Variants in GMDS observed in about 807,000 individuals in gnomAD.
GMDS encodes GDP-mannose 4,6 dehydratase.
In GMDS, 20 loss-of-function variants were observed where a neutral mutation model predicts 49.9. That is an observed-to-expected ratio of 0.40 (90% CI 0.28 to 0.58). GMDS has a LOEUF of 0.58. GMDS is among the 20% of genes least tolerant of loss of function. The pLI is 0.42. For synonymous variants in GMDS, 177 were observed against 178.6 expected (o/e 0.99, Z 0.07); for missense variants, 362 against 481.4 (o/e 0.75, Z 2.32).
rs1364346065 is a variant in GMDS, at chr6:1,999,997, T to A, written c.346-39031A>T. Among the ~76,000 whole-genome samples the A allele has an allele frequency of 3.2e-3, 25 of 7,838 alleles. 1 individual carries two copies. Among genetic ancestry groups the A allele is most frequent in the Non-Finnish European group, 6.5e-3 (19 of 2,938 alleles). The allele number at this position is 7,838 out of a possible 152,430, so 5.1% of individuals were successfully genotyped here. Reference sequence around the variant, plus strand: ...ATATATATATTTTATATATATATATTATATATATATATTTTTTATATATAT... The same window carrying A: ...ATATATATATTTTATATATATATATAATATATATATATTTTTTATATATAT... On this transcript the variant is annotated intron_variant, in intron 4 of 10. Transcript: ENST00000380815.
At chr6:1,867,448 C>T (rs1331441511) in intron 7 of GMDS, among the ~76,000 whole-genome samples, 1 of 152,154 alleles carries the variant, frequency 6.6e-6, no homozygotes, top group Non-Finnish European at 1.5e-5. Context: ...ATAGAGTGTG[C>T]AGGCAAATAT....
In GMDS at chr6:2,075,321, G is replaced by A. The variant is rs148953073; in HGVS notation, c.345+40450C>T. 2.9e-3 allele frequency among the ~76,000 whole-genome samples: 440 copies of A among 152,022 alleles called. 2 individuals are homozygous for A. The highest frequency in any genetic ancestry group is 0.01 in the Middle Eastern group (3 of 294). On this transcript the variant is annotated intron_variant, in intron 4 of 10. Coordinates refer to ENST00000380815, the MANE Select transcript of GMDS (RefSeq NM_001500.4). ...GTTTTAGGGTACATGTGCACAATGTGCAGGTTTGTTACATATGTATACATG... is the reference window on the plus strand; with the variant it reads ...GTTTTAGGGTACATGTGCACAATGTACAGGTTTGTTACATATGTATACATG...
At chr6:1,765,831 C>T (rs1201206751) in intron 7 of GMDS, among the ~76,000 whole-genome samples, 1 of 152,110 alleles carries the variant, frequency 6.6e-6, no homozygotes, top group Admixed American at 6.5e-5. Flanking sequence ...TTAACTCCTT[C>T]GGCACAGTGG....
chr6:2,041,909 T>C (rs1437764957), intron 4 of GMDS, among the ~76,000 whole-genome samples: 2 of 152,070 alleles, frequency 1.3e-5, no homozygotes, highest in Non-Finnish European at 2.9e-5. Context: ...AGAGCAGAGG[T>C]GACAATGCCA....
intron 9 of GMDS, among the ~76,000 whole-genome samples, chr6:1,683,054 G>T (rs927070364): frequency 6.6e-6 from 1 of 152,104 alleles, no homozygotes; most frequent in African/African-American, 2.4e-5. Flanking sequence ...TCACTATGCC[G>T]ACGTCGACAT....
At chr6:2,213,260 TG>T (rs1277348987) in intron 1 of GMDS, among the ~76,000 whole-genome samples, 2 of 152,184 alleles carry the variant, frequency 1.3e-5, no homozygotes, top group African/African-American at 4.8e-5. Flanking sequence ...CCTTGATTTA[TG>T]GTAGTTGGTG....
At chr6:1,948,858 A>C (rs924574117) in intron 6 of GMDS, among the ~76,000 whole-genome samples, 1 of 152,136 alleles carries the variant, frequency 6.6e-6, no homozygotes, top group African/African-American at 2.4e-5. Flanking sequence ...AATACTACTT[A>C]CATTTTATTT....
At chr6:2,188,971 G>A (rs146144703) in intron 1 of GMDS, among the ~76,000 whole-genome samples, 14 of 152,276 alleles carry the variant, frequency 9.2e-5, no homozygotes, top group African/African-American at 3.1e-4. Context: ...TGGGGTGACC[G>A]TGTCACAAAG....
At chr6:2,159,814 G>A (rs1438837539) in intron 1 of GMDS, among the ~76,000 whole-genome samples, 1 of 151,856 alleles carries the variant, frequency 6.6e-6, no homozygotes, top group Non-Finnish European at 1.5e-5. Flanking sequence ...ACAGCACCCG[G>A]CCAATTTTTT....
At position 1,916,069 on chromosome 6, in the gene GMDS, G is replaced by A. The variant is rs541237255; in HGVS notation, c.771+14034C>T. ...AAGCTAAGCTGTACCTGAAGATCTT[G>A]GCATTCTTACTGGTGTAAAAACTGT... On this transcript the variant is annotated intron_variant, in intron 7 of 10. Transcript: ENST00000380815. Among the ~76,000 whole-genome samples, 144 of 152,310 alleles carry A rather than the reference G, an allele frequency of 9.5e-4. 1 individual carries two copies. The highest frequency in any genetic ancestry group is 3.2e-3 in the African/African-American group (131 of 41,566).
chr6:1,918,669 A>G (rs1226903476), intron 7 of GMDS, among the ~76,000 whole-genome samples: 1 of 152,190 alleles, frequency 6.6e-6, no homozygotes, highest in Non-Finnish European at 1.5e-5. Context: ...GGATCACTTG[A>G]GCCTGGGAGA....
intron 1 of GMDS, among the ~76,000 whole-genome samples, chr6:2,154,863 C>CAAAAAAAAAAAAAAAAAAAAAA (rs70992124): frequency 6.1e-5 from 4 of 65,628 alleles, no homozygotes; most frequent in Admixed American, 4.4e-4. Flanking sequence ...TGAAGAGATG[C>CAAAAAAAAAAAAAAAAAAAAAA]AAAAAAAAAA....
chr6:1,636,278 A>C (rs1561689367), intron 9 of GMDS, among the ~76,000 whole-genome samples: 1 of 152,208 alleles, frequency 6.6e-6, no homozygotes, highest in Non-Finnish European at 1.5e-5. Context: ...GGCCACATCA[A>C]TTCTAAAAAG....
chr6:1,898,842 C>A (rs1383560781), intron 7 of GMDS, among the ~76,000 whole-genome samples: 2 of 152,166 alleles, frequency 1.3e-5, no homozygotes, highest in Non-Finnish European at 2.9e-5. Flanking sequence ...AGAAAGTGTG[C>A]CAGTGGCTGG....
chr6:1,722,585 T>C (rs1766425229), intron 9 of GMDS, among the ~76,000 whole-genome samples: 1 of 152,226 alleles, frequency 6.6e-6, no homozygotes, highest in African/African-American at 2.4e-5. Flanking sequence ...TAACTGACTC[T>C]GTTAATTCTC....
intron 1 of GMDS, among the ~76,000 whole-genome samples, chr6:2,138,701 C>A (rs1269530637): frequency 6.6e-6 from 1 of 152,144 alleles, no homozygotes; most frequent in Non-Finnish European, 1.5e-5. Context: ...TCAGGTATTC[C>A]TTTACAGTAA....
intron 9 of GMDS, among the ~76,000 whole-genome samples, chr6:1,672,501 C>T (rs1764463134): frequency 6.6e-6 from 1 of 152,220 alleles, no homozygotes; most frequent in African/African-American, 2.4e-5. Flanking sequence ...TTCTCTGCCA[C>T]TATTTATGTC....
At chr6:2,035,301 T>C (rs1018697074) in intron 4 of GMDS, among the ~76,000 whole-genome samples, 1 of 152,210 alleles carries the variant, frequency 6.6e-6, no homozygotes, top group Admixed American at 6.5e-5. Context: ...GTATGTTGAA[T>C]GCTGTGCCTG....
chr6:1,801,290 T>C (rs79630594), intron 7 of GMDS, among the ~76,000 whole-genome samples: 51 of 152,348 alleles, frequency 3.3e-4, no homozygotes, highest in African/African-American at 9.9e-4. Context: ...AAGCAAGCTA[T>C]GCTCCTTACA....
Sources: allele counts gnomAD v4.1 joint callset (sites outside exome capture counted in the v4.1 genomes callset), GRCh38; gene constraint gnomAD v4.1.1; transcripts MANE v1.5; gene names NCBI Gene and HGNC (gene_info 2026-07-23, HGNC 2026-07-21).